The following PRKG1 variants were observed in gnomAD, a reference collection of about 807,000 sequenced individuals.
The protein encoded by PRKG1 is cGMP-dependent protein kinase 1.
In PRKG1, 35 loss-of-function variants were observed where a neutral mutation model predicts 88.1. That is an observed-to-expected ratio of 0.40 (90% confidence interval 0.30 to 0.53). The LOEUF (loss-of-function observed/expected upper bound fraction) is 0.53. Among genes scored for constraint, PRKG1 ranks in the 20% least tolerant of loss-of-function variants. PRKG1 has a pLI of 0.59. For missense variants in PRKG1, 540 were observed against 839.8 expected, an observed-to-expected ratio of 0.64 and a Z score of 4.41; for synonymous variants, 303 against 292.5, an observed-to-expected ratio of 1.04 and a Z score of -0.37.
intron 5 of PRKG1, among the ~76,000 whole-genome samples, chr10:51,952,638 A>G (rs1273172816): frequency 6.6e-6 from 1 of 152,214 alleles, no homozygotes; most frequent in Non-Finnish European, 1.5e-5. Flanking sequence ...TAATATTAGC[A>G]GTAGTTTTTA....
At chr10:52,196,170 G>A (rs555148129) in intron 9 of PRKG1, among the ~76,000 whole-genome samples, 3 of 152,048 alleles carry the variant, frequency 2.0e-5, no homozygotes, top group East Asian at 3.9e-4. Flanking sequence ...CCGCCACCAC[G>A]CCTGGCTAAT....
chr10:52,256,725 A>G (rs1841317392), intron 10 of PRKG1, among the ~76,000 whole-genome samples: 1 of 139,796 alleles, frequency 7.2e-6, no homozygotes, highest in African/African-American at 2.5e-5. Context: ...TTTCTTTTCC[A>G]TTGCTAGGCC....
intron 1 of PRKG1, among the ~76,000 whole-genome samples, chr10:51,151,367 C>T (rs1422779062): frequency 6.6e-6 from 1 of 151,830 alleles, no homozygotes; most frequent in Non-Finnish European, 1.5e-5. Context: ...CAACCTTTAT[C>T]CCCTACCATT....
intron 9 of PRKG1, among the ~76,000 whole-genome samples, chr10:52,168,462 AAGG>A (rs1838557696): frequency 1.3e-5 from 2 of 152,166 alleles, no homozygotes; most frequent in Admixed American, 6.5e-5. Context: ...CAAAAGAGAG[AAGG>A]AGATCAGAAA....
chr10:51,851,931 A>G (rs1310675546), intron 4 of PRKG1, among the ~76,000 whole-genome samples: 4 of 152,122 alleles, frequency 2.6e-5, no homozygotes, highest in African/African-American at 2.4e-5. Context: ...AAAGACTGCC[A>G]TGATAAATTA....
In PRKG1 at chr10:51,166,455, A is replaced by G. The variant is rs1346812687; in HGVS notation, c.478+13125A>G. The stretch of plus-strand genomic sequence containing the variant: ...TTAAATTTAAATTTACAAGAAAAAC[A>G]TGATTAATAGCGATAACTATAGGTA... On this transcript the variant is annotated intron_variant, in intron 2 of 17. Transcript: ENST00000373980. 2.0e-5 allele frequency among the ~76,000 whole-genome samples: 3 copies of G among 152,274 alleles called. No individual in the cohort carries two copies. In the East Asian group the frequency reaches 5.8e-4, roughly 29 times the overall value.
intron 9 of PRKG1, among the ~76,000 whole-genome samples, chr10:52,206,538 G>T (rs1286219407): frequency 1.3e-5 from 2 of 152,178 alleles, no homozygotes; most frequent in African/African-American, 4.8e-5. Context: ...ACTGTGGAAG[G>T]TGATGTTCCT....
intron 4 of PRKG1, among the ~76,000 whole-genome samples, chr10:51,891,808 A>G (rs1019622063): frequency 2.6e-5 from 4 of 152,226 alleles, no homozygotes; most frequent in African/African-American, 9.6e-5. Flanking sequence ...TTTGATTTAC[A>G]AAAATAGGTA....
chr10:51,639,284 A>G (rs1839734031), intron 3 of PRKG1, among the ~76,000 whole-genome samples: 1 of 151,810 alleles, frequency 6.6e-6, no homozygotes, highest in South Asian at 2.1e-4. Flanking sequence ...AATGCAAAAA[A>G]TTAGCCAGCT....
intron 5 of PRKG1, among the ~76,000 whole-genome samples, chr10:51,953,223 G>A (rs1481288628): frequency 2.0e-5 from 3 of 152,140 alleles, no homozygotes; most frequent in Non-Finnish European, 4.4e-5. Context: ...ACAAGTCGTA[G>A]GAAATTTACA....
intron 6 of PRKG1, among the ~76,000 whole-genome samples, chr10:52,055,654 T>G (rs564215940): frequency 6.6e-6 from 1 of 152,172 alleles, no homozygotes; most frequent in African/African-American, 2.4e-5. Flanking sequence ...TTTAAACTTA[T>G]GTTTCTTTAT....
At chr10:51,623,485 C>A (rs1839260642) in intron 3 of PRKG1, among the ~76,000 whole-genome samples, 2 of 152,194 alleles carry the variant, frequency 1.3e-5, no homozygotes, top group African/African-American at 4.8e-5. Context: ...TACAGATAGA[C>A]ATGAGCTATT....
intron 9 of PRKG1, among the ~76,000 whole-genome samples, chr10:52,164,453 C>T (rs1838375402): frequency 1.3e-5 from 2 of 152,056 alleles, no homozygotes; most frequent in African/African-American, 2.4e-5. Flanking sequence ...ATTGAATTTA[C>T]AGATTCCATG....
intron 2 of PRKG1, among the ~76,000 whole-genome samples, chr10:51,303,419 T>TGC (rs1840946318): frequency 6.6e-6 from 1 of 151,908 alleles, no homozygotes; most frequent in Non-Finnish European, 1.5e-5. Flanking sequence ...GCCTCATGTG[T>TGC]GCGCTGTCAG....
chr10:51,268,121 T>A (rs776420412), intron 2 of PRKG1, among the ~76,000 whole-genome samples: 4 of 152,116 alleles, frequency 2.6e-5, no homozygotes, highest in Admixed American at 6.5e-5. Flanking sequence ...ACCAGCAAGT[T>A]TTTTTAGTGA....
At chr10:52,264,185 A>AAC (rs1478024943) in intron 10 of PRKG1, among the ~76,000 whole-genome samples, 1 of 758 alleles carries the variant, frequency 1.3e-3, no homozygotes, top group Non-Finnish European at 8.3e-3. Flanking sequence ...GCTTTCTGGC[A>AAC]ACGGGAATAT....
chr10:52,041,975 T>G (rs1345165522), intron 5 of PRKG1, among the ~76,000 whole-genome samples: 1 of 151,942 alleles, frequency 6.6e-6, no homozygotes. Context: ...ACACAAAAAT[T>G]AGATACCTAG....
chr10:51,110,603 C>G (rs1222903012), intron 1 of PRKG1, among the ~76,000 whole-genome samples: 1 of 152,032 alleles, frequency 6.6e-6, no homozygotes, highest in African/African-American at 2.4e-5. Context: ...TGTTTATTAT[C>G]TTGACTGTGG....
chr10:51,059,851 T>C (rs1252546554), intron 1 of PRKG1, among the ~76,000 whole-genome samples: 2 of 152,146 alleles, frequency 1.3e-5, no homozygotes, highest in African/African-American at 4.8e-5. Flanking sequence ...ATTGTTTCTA[T>C]CTTTTACAGC....
Sources: allele counts gnomAD v4.1 joint callset (sites outside exome capture counted in the v4.1 genomes callset), GRCh38; gene constraint gnomAD v4.1.1; transcripts MANE v1.5; gene names NCBI Gene and HGNC (gene_info 2026-07-23, HGNC 2026-07-21).